TXNDC12: variants seen among roughly 807,000 people sequenced by gnomAD.
TXNDC12 encodes thioredoxin domain-containing protein 12.
In TXNDC12, 22 loss-of-function variants were observed where a neutral mutation model predicts 24.2. The observed-to-expected ratio is 0.91, with a 90% confidence interval of 0.65 to 1.30. The LOEUF is 1.30. TXNDC12 is among the 50% of genes most tolerant of loss of function. The pLI is 0.00. For missense variants in TXNDC12, 184 were observed against 205.8 expected (o/e 0.89, Z 0.65); for synonymous variants, 58 against 73.4 (o/e 0.79, Z 1.07).
In TXNDC12 at chr1:52,020,839, C is replaced by A; in HGVS notation, c.*94G>T. On this transcript the variant is annotated 3_prime_UTR_variant, in exon 7 of 7. Coordinates refer to ENST00000371626, the MANE Select transcript of TXNDC12 (RefSeq NM_015913.4). ...GTAGGTAGGAATGAGGTTTCCTGGT[C>A]GGCTTAATTGTTCTAGATGATTCCT... The A allele has an allele frequency of 9.5e-7, 1 of 1,052,658 alleles. No homozygotes were observed. The highest frequency in any genetic ancestry group is 1.4e-5 in the South Asian group (1 of 70,514). 65.2% of individuals were successfully genotyped at this position (1,052,658 alleles called of 1,614,324 possible). A position where few individuals can be genotyped will look rare whatever the true frequency, so the allele number is the denominator to read the frequency against.
intron 1 of TXNDC12, among the ~76,000 whole-genome samples, chr1:52,048,317 T>G (rs1686134534): frequency 6.6e-6 from 1 of 151,914 alleles, no homozygotes. Context: ...AATTTAAAAA[T>G]TAGCTGGATG....
rs370831647 is a variant in TXNDC12 at position 52,053,715 on chromosome 1, G to C, written c.97+1285C>G. Among the ~76,000 whole-genome samples the C allele has an allele frequency of 3.3e-5, 5 of 151,996 alleles. No individual in the cohort carries two copies. In the East Asian group the frequency reaches 7.7e-4, roughly 23 times the overall value. The stretch of plus-strand genomic sequence containing the variant: ...AAAAACGGTAGTCTGTTTTAAAATG[G>C]GATTGTCAGTATTTAAAACATTCTG... On this transcript the variant is annotated intron_variant, in intron 1 of 6. Transcript: ENST00000371626.
intron 6 of TXNDC12, chr1:52,023,179 T>G: frequency 3.7e-6 from 1 of 271,382 alleles, no homozygotes; most frequent in Non-Finnish European, 7.1e-6. Context: ...ATTAGCTCAG[T>G]AGGAAAAAAA....
chr1:52,040,925 G>A (rs1685976117), intron 2 of TXNDC12, among the ~76,000 whole-genome samples: 1 of 151,924 alleles, frequency 6.6e-6, no homozygotes, highest in African/African-American at 2.4e-5. Context: ...TCAGCTACGT[G>A]GGAGGCTGAG....
chr1:52,027,664 A>G (rs942073521), intron 3 of TXNDC12, among the ~76,000 whole-genome samples: 1 of 151,786 alleles, frequency 6.6e-6, no homozygotes, highest in Non-Finnish European at 1.5e-5. Flanking sequence ...AACCATTGAC[A>G]TGAAAGACAA....
chr1:52,026,646 T>C (rs2124360827), intron 4 of TXNDC12, among the ~76,000 whole-genome samples: 2 of 152,332 alleles, frequency 1.3e-5, no homozygotes, highest in South Asian at 4.1e-4. Context: ...ACGCCTGTAA[T>C]CCCAGCATTT....
Position 52,033,920 on chromosome 1 carries a change from C to T in TXNDC12, c.159-5290G>A, listed in dbSNP as rs1685834366. ...ACAGGAGTTCTACGCCAGCTAGGCC[C>T]AGGTTCAGCTTTCTCAGAAAGGAGA... On this transcript the variant is annotated intron_variant, in intron 2 of 6. Coordinates refer to ENST00000371626, the MANE Select transcript of TXNDC12 (RefSeq NM_015913.4). The T allele has an allele frequency of 5.6e-6, 8 of 1,430,414 alleles. No individual in the cohort carries two copies. The South Asian group carries it at 7.5e-5, about 13-fold the overall frequency. 88.6% of individuals were successfully genotyped at this position (1,430,414 alleles called of 1,614,324 possible).
intron 1 of TXNDC12, among the ~76,000 whole-genome samples, chr1:52,054,401 C>G (rs1012870752): frequency 6.6e-6 from 1 of 152,200 alleles, no homozygotes; most frequent in Non-Finnish European, 1.5e-5. Context: ...CACCTCCTAA[C>G]CTCCATTCAT....
intron 6 of TXNDC12, 178 bp downstream of exon 6, chr1:52,023,313 G>A: frequency 6.0e-6 from 3 of 497,404 alleles, no homozygotes; most frequent in Non-Finnish European, 7.1e-6. Flanking sequence ...GCTCTTCCAA[G>A]GGAAGGGGCT....
intron 1 of TXNDC12, among the ~76,000 whole-genome samples, chr1:52,047,722 A>T (rs1049872476): frequency 6.6e-6 from 1 of 150,996 alleles, no homozygotes; most frequent in Non-Finnish European, 1.5e-5. Flanking sequence ...GGGCAACAGG[A>T]TGAGACTCTA....
intron 2 of TXNDC12, chr1:52,033,837 G>A (rs1685831778): frequency 1.1e-5 from 16 of 1,465,856 alleles, no homozygotes; most frequent in Admixed American, 2.6e-5. Context: ...TAAGCCGGAA[G>A]TGCAAACTGC....
At chr1:52,033,005 C>G (rs756161230) in intron 2 of TXNDC12, 2 of 1,560,416 alleles carry the variant, frequency 1.3e-6, no homozygotes, top group South Asian at 2.5e-5. Context: ...GGTGGTGGGG[C>G]CCGGTTCTCA....
chr1:52,041,148 C>T (rs1046103852), intron 2 of TXNDC12, among the ~76,000 whole-genome samples: 45 of 151,406 alleles, frequency 3.0e-4, no homozygotes, highest in Non-Finnish European at 1.0e-4. Flanking sequence ...CTGGCTAACA[C>T]GGTGAAACCC....
At chr1:52,025,051 T>C (rs1685652992) in intron 4 of TXNDC12, among the ~76,000 whole-genome samples, 1 of 152,224 alleles carries the variant, frequency 6.6e-6, no homozygotes, top group Non-Finnish European at 1.5e-5. Flanking sequence ...TAGCATGTTA[T>C]TTCAACGAGG....
At chr1:52,046,019 C>A (rs557257584) in intron 1 of TXNDC12, among the ~76,000 whole-genome samples, 33 of 152,038 alleles carry the variant, frequency 2.2e-4, no homozygotes, top group Admixed American at 2.0e-3. Flanking sequence ...TTGAGACTAG[C>A]CTGGGCAACA....
chr1:52,037,573 T>A (rs1276784998), intron 2 of TXNDC12, among the ~76,000 whole-genome samples: 1 of 152,166 alleles, frequency 6.6e-6, no homozygotes, highest in African/African-American at 2.4e-5. Flanking sequence ...GGCCAGAGTA[T>A]TGTCCAACAT....
At chr1:52,051,729 C>T (rs1042343596) in intron 1 of TXNDC12, 1 of 169,276 alleles carries the variant, frequency 5.9e-6, no homozygotes, top group African/African-American at 2.4e-5. Flanking sequence ...TGTGCTGCTT[C>T]TTCTTAATGA....
Position 52,028,620 on chromosome 1 carries a change from G to A in TXNDC12, c.169C>T (p.Leu57=), listed in dbSNP as rs755590237. The change falls in exon 3 of 7, where the codon CTG becomes TTG. Residue 57 remains leucine (L), a synonymous_variant. Coordinates refer to ENST00000371626, the MANE Select transcript of TXNDC12 (RefSeq NM_015913.4). ...KKEAAASGLP[L]MVIIHKSWCG... Reference sequence around the variant, plus strand: ...CAGGATTTATGAATAATCACCATCAGGGGCAGTCCACTTAAAAGCAAAACA... The same window carrying A: ...CAGGATTTATGAATAATCACCATCAAGGGCAGTCCACTTAAAAGCAAAACA... The A allele has an allele frequency of 2.5e-6, 4 of 1,611,566 alleles. No individual in the cohort carries two copies. The highest frequency in any genetic ancestry group is 2.5e-6 in the Non-Finnish European group (3 of 1,179,196).
intron 1 of TXNDC12, among the ~76,000 whole-genome samples, chr1:52,045,806 A>G (rs1348884009): frequency 2.0e-5 from 3 of 152,186 alleles, no homozygotes; most frequent in Non-Finnish European, 4.4e-5. Flanking sequence ...ATTTTTAGAT[A>G]AGCTGAGTGA....
Sources: allele counts gnomAD v4.1 joint callset (sites outside exome capture counted in the v4.1 genomes callset), GRCh38; gene constraint gnomAD v4.1.1; transcripts MANE v1.5; gene names NCBI Gene and HGNC (gene_info 2026-07-23, HGNC 2026-07-21).